ATG3: variants seen among roughly 807,000 people sequenced by gnomAD.
The protein encoded by ATG3 is ubiquitin-like-conjugating enzyme ATG3.
A neutral mutation model predicts 50.7 loss-of-function variants in ATG3; 25 were observed. The observed-to-expected ratio is 0.49, with a 90% confidence interval of 0.36 to 0.69. ATG3 has a LOEUF of 0.69. ATG3 is among the 30% of genes least tolerant of loss of function. The pLI is 0.00. For missense variants in ATG3, 281 were observed against 376.0 expected, an observed-to-expected ratio of 0.75 and a Z score of 2.09; for synonymous variants, 119 against 125.5, an observed-to-expected ratio of 0.95 and a Z score of 0.34.
chr3:112,554,973 T>G (rs1457134493), intron 2 of ATG3, among the ~76,000 whole-genome samples: 1 of 152,224 alleles, frequency 6.6e-6, no homozygotes, highest in Non-Finnish European at 1.5e-5. Flanking sequence ...CCCCAAATTT[T>G]GAGCACTTCG....
intron 7 of ATG3, among the ~76,000 whole-genome samples, chr3:112,540,258 T>G (rs1256873211): frequency 6.6e-6 from 1 of 152,202 alleles, no homozygotes; most frequent in African/African-American, 2.4e-5. Context: ...TGAAAGTAAT[T>G]TTGAAAACAA....
intron 9 of ATG3, among the ~76,000 whole-genome samples, chr3:112,537,123 C>T (rs1439520563): frequency 6.6e-6 from 1 of 151,972 alleles, no homozygotes; most frequent in East Asian, 1.9e-4. Context: ...GAAGGAGTCA[C>T]AGCCAAGCTC....
intron 7 of ATG3, among the ~76,000 whole-genome samples, chr3:112,540,122 C>A (rs922548478): frequency 3.9e-5 from 6 of 152,192 alleles, no homozygotes; most frequent in African/African-American, 1.4e-4. Context: ...TGTGAGGCTG[C>A]TGTGATCAAT....
intron 1 of ATG3, among the ~76,000 whole-genome samples, chr3:112,559,148 A>G (rs966162341): frequency 6.6e-6 from 1 of 152,242 alleles, no homozygotes; most frequent in Non-Finnish European, 1.5e-5. Context: ...TGTCTTAAAG[A>G]TGTTTAGACA....
intron 4 of ATG3, among the ~76,000 whole-genome samples, chr3:112,548,970 GAAT>G (rs1576722997): frequency 6.6e-6 from 1 of 152,204 alleles, no homozygotes. Flanking sequence ...TCAGTCTAAT[GAAT>G]AATAATACCT....
intron 2 of ATG3, among the ~76,000 whole-genome samples, chr3:112,554,856 T>C (rs1008424023): frequency 7.2e-5 from 11 of 152,216 alleles, no homozygotes; most frequent in Admixed American, 3.9e-4. Context: ...ATATAGCAAC[T>C]GGATTCCTGA....
At chr3:112,557,213 C>T (rs1933710402) in intron 2 of ATG3, among the ~76,000 whole-genome samples, 1 of 151,970 alleles carries the variant, frequency 6.6e-6, no homozygotes, top group Admixed American at 6.6e-5. Flanking sequence ...CATCACGCCC[C>T]GCTAATTTTT....
At chr3:112,536,438 C>T (rs1191245931) in intron 10 of ATG3, 37 bp downstream of exon 10, 1 of 1,598,930 alleles carries the variant, frequency 6.3e-7, no homozygotes, top group Non-Finnish European at 8.6e-7. Flanking sequence ...AATATACAAT[C>T]ACATCAAAAA....
chr3:112,542,614 TGAAACCAC>T (rs1450934555), intron 6 of ATG3, among the ~76,000 whole-genome samples: 7 of 152,156 alleles, frequency 4.6e-5, no homozygotes, highest in South Asian at 4.1e-4. Context: ...CACCCAAAAT[TGAAACCAC>T]AAAACCACAA....
chr3:112,559,655 G>A (rs1015140588), intron 1 of ATG3, among the ~76,000 whole-genome samples: 1 of 152,202 alleles, frequency 6.6e-6, no homozygotes, highest in Non-Finnish European at 1.5e-5. Flanking sequence ...TGTTAAGTGC[G>A]AAGCGCGTTT....
chr3:112,550,471 G>C (rs1242736230), intron 3 of ATG3, among the ~76,000 whole-genome samples: 1 of 152,164 alleles, frequency 6.6e-6, no homozygotes, highest in Admixed American at 6.5e-5. Flanking sequence ...CATACTAAGA[G>C]ATGCAGATAG....
intron 5 of ATG3, among the ~76,000 whole-genome samples, chr3:112,547,961 T>C (rs1639807454): frequency 6.6e-6 from 1 of 152,258 alleles, no homozygotes; most frequent in African/African-American, 2.4e-5. Context: ...AGTATGCATA[T>C]TCAGCATCTC....
At chr3:112,537,324 A>G (rs1255168245) in intron 9 of ATG3, among the ~76,000 whole-genome samples, 1 of 152,222 alleles carries the variant, frequency 6.6e-6, no homozygotes, top group East Asian at 1.9e-4. Flanking sequence ...AATTAAGTAG[A>G]TGAGTTTTCT....
intron 11 of ATG3, chr3:112,533,747 T>G: frequency 3.0e-6 from 3 of 985,386 alleles, no homozygotes; most frequent in Non-Finnish European, 3.6e-6. Context: ...CTTTTGTCAA[T>G]CCAAGAAAAC....
chr3:112,542,735 G>A (rs751530871), intron 6 of ATG3, among the ~76,000 whole-genome samples: 2 of 151,942 alleles, frequency 1.3e-5, no homozygotes, highest in Non-Finnish European at 2.9e-5. Flanking sequence ...TGATAAAGTA[G>A]AATAGAAATT....
At chr3:112,551,760 ATAAATTATAGACCAGAACCTAGC>A (rs1933534856) in intron 3 of ATG3, among the ~76,000 whole-genome samples, 1 of 152,218 alleles carries the variant, frequency 6.6e-6, no homozygotes, top group Admixed American at 6.5e-5. Context: ...TGAAATACAT[ATAAATTATAGACCAGAACCTAGC>A]TAAATATAGT....
rs775236991 is a variant in ATG3 at position 112,538,157 on chromosome 3, C to T, written c.499G>A (p.Glu167Lys). 1 of 1,583,240 alleles carries T rather than the reference C, an allele frequency of 6.3e-7. No homozygotes were observed. Among genetic ancestry groups the T allele is most frequent in the Non-Finnish European group, 8.6e-7 (1 of 1,162,170 alleles). The change falls in exon 8 of 12, where the codon GAA (glutamate) becomes AAA (lysine). Residue 167 changes from glutamate (E) to lysine (K), a missense_variant. Coordinates refer to ENST00000283290, the MANE Select transcript of ATG3 (RefSeq NM_022488.5). ...MEEYEESGLLETDEATLDTRK... is the reference protein window; with the variant it reads ...MEEYEESGLLKTDEATLDTRK... ...CTCAATTTACAAACCTCATCTGTTT[C>T]CAACAATCCACTCTCTTCATATTCT...
At chr3:112,560,614 CATTA>C (rs1933831906) in intron 1 of ATG3, among the ~76,000 whole-genome samples, 1 of 151,914 alleles carries the variant, frequency 6.6e-6, no homozygotes. Flanking sequence ...AAGAACTTCC[CATTA>C]ATTTACTATT....
chr3:112,556,765 T>C (rs1339193001), intron 2 of ATG3, among the ~76,000 whole-genome samples: 2 of 152,006 alleles, frequency 1.3e-5, no homozygotes, highest in Non-Finnish European at 2.9e-5. Flanking sequence ...CTGTGTCCAC[T>C]CAGGGTTGAA....
Sources: allele counts gnomAD v4.1 joint callset (sites outside exome capture counted in the v4.1 genomes callset), GRCh38; gene constraint gnomAD v4.1.1; transcripts MANE v1.5; gene names NCBI Gene and HGNC (gene_info 2026-07-23, HGNC 2026-07-21).